The following EXOC6B variants were observed in gnomAD, a reference collection of about 807,000 sequenced individuals.
The protein encoded by EXOC6B is SEC15 homolog B.
In EXOC6B, 54 loss-of-function variants were observed where a neutral mutation model predicts 113.5. That is an observed-to-expected ratio of 0.48 (90% CI 0.38 to 0.60). The LOEUF (loss-of-function observed/expected upper bound fraction) is 0.60, where lower values mean the gene tolerates loss of function less well. EXOC6B is among the 20% of genes least tolerant of loss of function. The pLI is 0.00. For missense variants in EXOC6B, 797 were observed against 977.5 expected (o/e 0.82, Z 2.46); for synonymous variants, 357 against 339.0 (o/e 1.05, Z -0.58).
intron 15 of EXOC6B, 81 bp from the exon 16 acceptor site, chr2:72,492,510 G>A: frequency 1.3e-6 from 1 of 753,012 alleles, no homozygotes; most frequent in Non-Finnish European, 2.3e-6. Context: ...GGTATTCGTG[G>A]TAATAATAAT....
At chr2:72,382,796 G>A (rs1475587889) in intron 18 of EXOC6B, among the ~76,000 whole-genome samples, 1 of 151,952 alleles carries the variant, frequency 6.6e-6, no homozygotes, top group Non-Finnish European at 1.5e-5. Flanking sequence ...ATGGGATTGG[G>A]TTCCTGATTT....
chr2:72,524,903 G>C (rs1233557696), intron 8 of EXOC6B, among the ~76,000 whole-genome samples: 2 of 152,150 alleles, frequency 1.3e-5, no homozygotes, highest in Non-Finnish European at 2.9e-5. Context: ...CCCAATTCTT[G>C]TTATCACTCA....
chr2:72,744,395 T>G (rs2104826947), intron 1 of EXOC6B, among the ~76,000 whole-genome samples: 1 of 152,326 alleles, frequency 6.6e-6, no homozygotes, highest in African/African-American at 2.4e-5. Flanking sequence ...AATCTCTGCT[T>G]TGACAAGTAG....
At chr2:72,514,597 A>ATATATAT (rs1558751166) in intron 10 of EXOC6B, 37 bp downstream of exon 10, 4 of 207,156 alleles carry the variant, frequency 1.9e-5, no homozygotes, top group African/African-American at 1.2e-4. Flanking sequence ...TAAATAAATA[A>ATATATAT]ATAAATAAAT....
chr2:72,660,360 T>A (rs1674919094), intron 6 of EXOC6B, among the ~76,000 whole-genome samples: 1 of 152,174 alleles, frequency 6.6e-6, no homozygotes, highest in Non-Finnish European at 1.5e-5. Context: ...CCTAAATTAA[T>A]AAGAACAGTA....
intron 6 of EXOC6B, among the ~76,000 whole-genome samples, chr2:72,643,062 G>A (rs1026726565): frequency 1.1e-4 from 16 of 152,156 alleles, no homozygotes; most frequent in African/African-American, 3.1e-4. Context: ...ACCACAATGA[G>A]ATACCATCTC....
intron 16 of EXOC6B, among the ~76,000 whole-genome samples, chr2:72,488,890 A>G (rs142729403): frequency 4.0e-4 from 61 of 152,282 alleles, no homozygotes; most frequent in African/African-American, 1.2e-3. Context: ...CATTTCACGC[A>G]AAATAAAAGC....
At position 72,465,130 on chromosome 2, in the gene EXOC6B, T is replaced by C. The variant is rs1020463995; in HGVS notation, c.1980+30A>G. ...AATTATAAGGAAATCTTTTTATATA[T>C]AAAGGACAAAGTAAGCAACTGCCAC... On this transcript the variant is annotated intron_variant, in intron 18 of 21. Transcript: ENST00000272427. 7.0e-7 allele frequency: 1 copy of C among 1,418,754 alleles called. No homozygotes were observed. The highest frequency in any genetic ancestry group is 9.2e-7 in the Non-Finnish European group (1 of 1,081,910). The allele number at this position is 1,418,754 out of a possible 1,614,324, so 87.9% of individuals were successfully genotyped here. A position where few individuals can be genotyped will look rare whatever the true frequency, so the allele number is the denominator to read the frequency against.
At chr2:72,561,996 T>C (rs1703912430) in intron 7 of EXOC6B, among the ~76,000 whole-genome samples, 1 of 152,128 alleles carries the variant, frequency 6.6e-6, no homozygotes, top group African/African-American at 2.4e-5. Flanking sequence ...GTTCACAACC[T>C]TTACCTCTAC....
chr2:72,660,579 G>C (rs988871390), intron 6 of EXOC6B, among the ~76,000 whole-genome samples: 4 of 152,146 alleles, frequency 2.6e-5, no homozygotes, highest in Non-Finnish European at 1.5e-5. Flanking sequence ...CATTTATTCT[G>C]TAATTATTTG....
At chr2:72,790,363 G>A (rs545329661) in intron 1 of EXOC6B, among the ~76,000 whole-genome samples, 21 of 152,110 alleles carry the variant, frequency 1.4e-4, no homozygotes, top group Non-Finnish European at 2.4e-4. Flanking sequence ...CATCTAAATC[G>A]AAATGAGAAA....
chr2:72,429,764 T>G (rs191754428), intron 18 of EXOC6B, among the ~76,000 whole-genome samples: 1 of 152,272 alleles, frequency 6.6e-6, no homozygotes, highest in Non-Finnish European at 1.5e-5. Context: ...CATTCTGAAG[T>G]GCATAGAACA....
intron 1 of EXOC6B, among the ~76,000 whole-genome samples, chr2:72,794,864 T>C (rs1438246807): frequency 2.0e-5 from 3 of 152,128 alleles, no homozygotes; most frequent in African/African-American, 7.2e-5. Context: ...TCTCACCCCC[T>C]TGATTACTAG....
At chr2:72,662,085 G>T (rs1162248146) in intron 6 of EXOC6B, among the ~76,000 whole-genome samples, 1 of 123,720 alleles carries the variant, frequency 8.1e-6, no homozygotes, top group Admixed American at 9.1e-5. Flanking sequence ...AAGGGAGGGG[G>T]AGGGACGGGG....
At chr2:72,703,927 C>T (rs929220312) in intron 6 of EXOC6B, among the ~76,000 whole-genome samples, 3 of 151,786 alleles carry the variant, frequency 2.0e-5, no homozygotes, top group Non-Finnish European at 4.4e-5. Context: ...CCTTCTCCTG[C>T]CTAATTGCCC....
intron 18 of EXOC6B, among the ~76,000 whole-genome samples, chr2:72,390,904 A>G (rs1692335269): frequency 6.6e-6 from 1 of 152,202 alleles, no homozygotes; most frequent in Admixed American, 6.5e-5. Context: ...CTATACATTA[A>G]TAGCTTAGTA....
chr2:72,520,453 T>C (rs1701427633), intron 8 of EXOC6B, among the ~76,000 whole-genome samples: 3 of 152,236 alleles, frequency 2.0e-5, no homozygotes, highest in Admixed American at 2.0e-4. Context: ...AAAATCACTT[T>C]TAGCATCACA....
chr2:72,638,133 A>T (rs1672976569), intron 6 of EXOC6B, among the ~76,000 whole-genome samples: 1 of 152,208 alleles, frequency 6.6e-6, no homozygotes, highest in African/African-American at 2.4e-5. Flanking sequence ...AAACAGAGAG[A>T]AGGTCCAAAC....
chr2:72,435,766 T>A (rs1037750349), intron 18 of EXOC6B, among the ~76,000 whole-genome samples: 1 of 151,806 alleles, frequency 6.6e-6, no homozygotes, highest in Non-Finnish European at 1.5e-5. Flanking sequence ...TATTCCTCCA[T>A]CCATTTATTT....
Sources: gnomAD v4.1 joint callset for allele counts (sites outside exome capture counted in the v4.1 genomes callset) on GRCh38, gnomAD v4.1.1 for gene constraint, MANE v1.5 for transcripts, NCBI Gene and HGNC (gene_info 2026-07-23, HGNC 2026-07-21) for gene names.